Variants in COQ8A observed in about 807,000 individuals in gnomAD.
COQ8A encodes coenzyme Q8A.
In COQ8A, 51 loss-of-function variants were observed where a neutral mutation model predicts 65.0. That is an observed-to-expected ratio of 0.78 (90% CI 0.63 to 0.99). The LOEUF (loss-of-function observed/expected upper bound fraction) is 0.99. COQ8A is among the 50% of genes least tolerant of loss of function. The pLI, the probability that COQ8A is intolerant of heterozygous loss-of-function variation, is 0.00. For missense variants in COQ8A, 940 were observed against 875.0 expected, an observed-to-expected ratio of 1.07 and a Z score of -0.94; for synonymous variants, 371 against 353.2, an observed-to-expected ratio of 1.05 and a Z score of -0.57.
At chr1:226,959,402 A>G (rs1337750564) in intron 1 of COQ8A, among the ~76,000 whole-genome samples, 1 of 151,846 alleles carries the variant, frequency 6.6e-6, no homozygotes, top group Non-Finnish European at 1.5e-5. Flanking sequence ...CCCGGGCAAC[A>G]TAGTGAGACC....
At position 226,965,729 on chromosome 1, in the gene COQ8A, A is replaced by T; in HGVS notation, c.647A>T (p.Asn216Ile). 1 of 1,613,680 alleles carries T rather than the reference A, an allele frequency of 6.2e-7. No individual in the cohort carries two copies. Among genetic ancestry groups the T allele is most frequent in the Non-Finnish European group, 8.5e-7 (1 of 1,179,980 alleles). ...GTGACGAGGATTGGCCGGCTGGCCAACTTCGGAGGTAAGGTGGCTGTGTGC... is the reference window on the plus strand; with the variant it reads ...GTGACGAGGATTGGCCGGCTGGCCATCTTCGGAGGTAAGGTGGCTGTGTGC... ...VPVTRIGRLA[N>I]FGGLAVGLGF... is the part of the protein sequence containing the mutation. The change falls in exon 4 of 15, where the codon AAC becomes ATC. Residue 216 changes from asparagine (N) to isoleucine (I), a missense_variant. Asn to Ile is a moderately radical substitution (Grantham distance 149). Transcript: ENST00000366777.
At chr1:226,954,772 G>A (rs995833397) in intron 1 of COQ8A, among the ~76,000 whole-genome samples, 6 of 152,232 alleles carry the variant, frequency 3.9e-5, no homozygotes, top group African/African-American at 1.4e-4. Flanking sequence ...GCTGGAGAGA[G>A]GAAGACAGAT....
intron 1 of COQ8A, among the ~76,000 whole-genome samples, chr1:226,959,575 G>T (rs1658023084): frequency 6.6e-6 from 1 of 152,228 alleles, no homozygotes; most frequent in Non-Finnish European, 1.5e-5. Context: ...CTACATGTTA[G>T]TCTGCTCACA....
At chr1:226,984,308 G>T in intron 11 of COQ8A, 73 bp downstream of exon 11, 1 of 1,599,370 alleles carries the variant, frequency 6.3e-7, no homozygotes, top group South Asian at 1.1e-5. Context: ...CTAATAGTGT[G>T]AGCTGGGGAC....
At chr1:226,966,291 G>C (rs745502458) in intron 4 of COQ8A, among the ~76,000 whole-genome samples, 1 of 152,228 alleles carries the variant, frequency 6.6e-6, no homozygotes, top group Non-Finnish European at 1.5e-5. Flanking sequence ...ACTTTGGGGG[G>C]TTGAGTTGTC....
intron 2 of COQ8A, among the ~76,000 whole-genome samples, chr1:226,961,939 G>C (rs185052530): frequency 6.6e-6 from 1 of 152,270 alleles, no homozygotes; most frequent in Non-Finnish European, 1.5e-5. Context: ...GCTCTCTAGG[G>C]CCTGTGTTAT....
intron 4 of COQ8A, among the ~76,000 whole-genome samples, chr1:226,966,497 C>CT (rs1234189652): frequency 2.0e-5 from 3 of 152,212 alleles, no homozygotes; most frequent in African/African-American, 4.8e-5. Context: ...GATTGCATTT[C>CT]TTTAACACTC....
At chr1:226,984,314 G>C (rs1455110486) in intron 11 of COQ8A, 79 bp downstream of exon 11, 5 of 1,593,308 alleles carry the variant, frequency 3.1e-6, no homozygotes, top group African/African-American at 1.3e-5. Flanking sequence ...GTGTGAGCTG[G>C]GGACTTGGAG....
chr1:226,965,694 G>A lies in COQ8A; in HGVS notation c.612G>A (p.Arg204=). The A allele has an allele frequency of 1.9e-6, 3 of 1,614,038 alleles. No homozygotes were observed. The highest frequency in any genetic ancestry group is 2.5e-6 in the Non-Finnish European group (3 of 1,180,032). ...AGCTCAGCGAGCATGCCCGGGAGCG[G>A]AAGGTGCCTGTGACGAGGATTGGCC... ...KQTLSEHARE[R]KVPVTRIGRL... Residue 204 remains arginine, a synonymous_variant, in exon 4 of 15, where the codon CGG becomes CGA. Coordinates refer to ENST00000366777, the MANE Select transcript of COQ8A (RefSeq NM_020247.5).
intron 14 of COQ8A, among the ~76,000 whole-genome samples, chr1:226,985,979 C>T (rs1189004772): frequency 2.0e-5 from 3 of 152,228 alleles, no homozygotes; most frequent in Admixed American, 2.0e-4. Flanking sequence ...GTCCCTCTGA[C>T]CACCTTGGGC....
intron 1 of COQ8A, among the ~76,000 whole-genome samples, chr1:226,945,826 G>T (rs1034002482): frequency 3.9e-5 from 6 of 152,378 alleles, no homozygotes; most frequent in African/African-American, 1.4e-4. Flanking sequence ...CAGTGACTGC[G>T]TCCCCTGCTC....
intron 4 of COQ8A, among the ~76,000 whole-genome samples, 169 bp downstream of exon 4, chr1:226,965,906 G>A (rs1368686400): frequency 6.6e-6 from 1 of 152,216 alleles, no homozygotes; most frequent in Non-Finnish European, 1.5e-5. Context: ...TTTCATGGGA[G>A]GATGATTCAG....
intron 8 of COQ8A, 26 bp downstream of exon 8, chr1:226,983,060 G>C: frequency 6.4e-7 from 1 of 1,568,366 alleles, no homozygotes; most frequent in Non-Finnish European, 8.6e-7. Flanking sequence ...CGCAGTGCCT[G>C]TCCCTATGGG....
At chr1:226,966,828 C>G (rs1277568081) in intron 4 of COQ8A, among the ~76,000 whole-genome samples, 2 of 152,202 alleles carry the variant, frequency 1.3e-5, no homozygotes, top group Admixed American at 1.3e-4. Flanking sequence ...ACGTACTGTG[C>G]TCCCCGAGAG....
chr1:226,961,762 A>G (rs1209976376), intron 2 of COQ8A, among the ~76,000 whole-genome samples, 200 bp downstream of exon 2: 3 of 152,218 alleles, frequency 2.0e-5, no homozygotes, highest in Admixed American at 6.5e-5. Flanking sequence ...ACAGAATTCC[A>G]TAGACTGGTG....
chr1:226,982,974 C>T lies in COQ8A; in HGVS notation c.1020C>T (p.Ser340=), dbSNP rs181558991. The change falls in exon 8 of 15, where the codon TCC becomes TCT. Residue 340 remains serine (S), a synonymous_variant. Transcript: ENST00000366777. ...YFEERPFAAA[S]IGQVHLARMK... is the part of the protein sequence containing the mutation. ...AGGAGCGGCCCTTCGCCGCCGCATC[C>T]ATTGGGCAGGTGCACTTGGCCCGAA... 2 of 1,603,886 alleles carry T rather than the reference C, an allele frequency of 1.2e-6. No homozygotes were observed. The highest frequency in any genetic ancestry group is 4.5e-5 in the East Asian group (2 of 44,160).
chr1:226,968,634 G>T lies in COQ8A; in HGVS notation c.655+2897G>T, dbSNP rs117233925. Among the ~76,000 whole-genome samples the T allele has an allele frequency of 2.5e-3, 375 of 152,260 alleles. 9 individuals carry two copies. In the East Asian group the frequency reaches 0.046, roughly 19 times the overall value. On this transcript the variant is annotated intron_variant, in intron 4 of 14. Transcript: ENST00000366777. ...CAGACTTTAGGAAGTTTTTACACGG[G>T]GTTATGAAGGAAAGGGATTGCTCTA...
intron 4 of COQ8A, among the ~76,000 whole-genome samples, chr1:226,970,726 T>C (rs906172751): frequency 3.3e-5 from 5 of 152,226 alleles, no homozygotes; most frequent in African/African-American, 1.2e-4. Context: ...TAGAACACTT[T>C]TTAGATATTA....
At chr1:226,957,280 T>TGC (rs1553275832) in intron 1 of COQ8A, among the ~76,000 whole-genome samples, 2 of 36,404 alleles carry the variant, frequency 5.5e-5, no homozygotes, top group South Asian at 8.0e-4. Context: ...ACACTCTCCC[T>TGC]GCCCCCCCCC....
Sources: gnomAD v4.1 joint callset for allele counts (sites outside exome capture counted in the v4.1 genomes callset) on GRCh38, gnomAD v4.1.1 for gene constraint, MANE v1.5 for transcripts, NCBI Gene and HGNC (gene_info 2026-07-23, HGNC 2026-07-21) for gene names.